FANCA: variants seen among roughly 807,000 people sequenced by gnomAD.
FANCA encodes the protein Fanconi anemia group A protein.
In FANCA, 236 loss-of-function variants were observed where a neutral mutation model predicts 194.3. The ratio of observed to expected loss-of-function variants is 1.21; its 90% CI spans 1.09 to 1.35. The LOEUF is 1.35. Ranked by LOEUF, FANCA falls within the 40% of genes most tolerant of loss-of-function variation. The pLI is 0.00. For synonymous variants in FANCA, 1,014 were observed against 715.8 expected (o/e 1.42, Z -6.65); for missense variants, 2,628 against 1,813.9 (o/e 1.45, Z -8.15).
chr16:89,802,910 A>G (rs1000188136), intron 8 of FANCA, among the ~76,000 whole-genome samples: 1 of 152,164 alleles, frequency 6.6e-6, no homozygotes, highest in Non-Finnish European at 1.5e-5. Flanking sequence ...GCAGTGGGGG[A>G]ACGAAGAGAG....
In FANCA at chr16:89,788,490, A is replaced by G. The variant is rs150602605; in HGVS notation, c.1359+2913T>C. 2.5e-4 allele frequency among the ~76,000 whole-genome samples: 38 copies of G among 152,256 alleles called. 1 individual carries two copies. The highest frequency in any genetic ancestry group is 9.1e-4 in the African/African-American group (38 of 41,538). On this transcript the variant is annotated intron_variant, in intron 14 of 42. Coordinates refer to ENST00000389301, the MANE Select transcript of FANCA (RefSeq NM_000135.4). ...ATGTTCAAACACTGAATATGCATATATACATTTATCAAAACTCATCTAACT... is the reference window on the plus strand; with the variant it reads ...ATGTTCAAACACTGAATATGCATATGTACATTTATCAAAACTCATCTAACT...
chr16:89,775,600 G>T, intron 21 of FANCA, 142 bp downstream of exon 21: 1 of 695,966 alleles, frequency 1.4e-6, no homozygotes. Flanking sequence ...AGCATGGTGG[G>T]CGGACCCTGT....
At chr16:89,747,786 G>A (rs908493776) in intron 33 of FANCA, among the ~76,000 whole-genome samples, 1 of 152,168 alleles carries the variant, frequency 6.6e-6, no homozygotes, top group Non-Finnish European at 1.5e-5. Flanking sequence ...TCACATTTGT[G>A]CATCTTCAAA....
Position 89,752,241 on chromosome 16 carries a change from A to G in FANCA, c.2982-19T>C, listed in dbSNP as rs2038621034. The stretch of plus-strand genomic sequence containing the variant: ...CCTTGAGCTGAAATGAAAATACAAT[A>G]AAATCCTCCTCAGTATCGCCTAATA... On this transcript the variant is annotated intron_variant, in intron 30 of 42. Coordinates refer to ENST00000389301, the MANE Select transcript of FANCA (RefSeq NM_000135.4). 2 of 1,603,352 alleles carry G rather than the reference A, an allele frequency of 1.2e-6. No homozygotes were observed. The highest frequency in any genetic ancestry group is 1.7e-6 in the Non-Finnish European group (2 of 1,170,528).
At chr16:89,753,955 G>T (rs970925017) in intron 30 of FANCA, among the ~76,000 whole-genome samples, 2 of 152,232 alleles carry the variant, frequency 1.3e-5, no homozygotes, top group African/African-American at 4.8e-5. Context: ...TTGGGAGGCT[G>T]AGGCAGCAGA....
chr16:89,758,842 G>GTCTGCA, intron 29 of FANCA, 137 bp from the exon 30 acceptor site: 1 of 1,320,850 alleles, frequency 7.6e-7, no homozygotes. Flanking sequence ...TCGGGACCTT[G>GTCTGCA]GAGTAGGGAT....
intron 14 of FANCA, among the ~76,000 whole-genome samples, chr16:89,785,467 G>T (rs964108020): frequency 1.3e-5 from 2 of 152,140 alleles, no homozygotes; most frequent in East Asian, 3.9e-4. Context: ...AGAGAGGTGG[G>T]TAAGGAACAC....
intron 41 of FANCA, 54 bp downstream of exon 41, chr16:89,739,079 G>C (rs1191474537): frequency 6.2e-7 from 1 of 1,613,892 alleles, no homozygotes; most frequent in Non-Finnish European, 8.5e-7. Flanking sequence ...TTGGCAGAAG[G>C]AGCCTCCGGC....
rs1461108636 is a variant in FANCA at position 89,773,303 on chromosome 16, C to G, written c.1982G>C (p.Arg661Thr). ...GQLTAALGELRASMTDPSQRD... is the reference protein window; with the variant it reads ...GQLTAALGELTASMTDPSQRD... ...CTGGCTGGGGTCTGTCATGGAGGCT[C>G]TCAGCTCTCCCAGTGCAGCTGTGAG... Residue 661 changes from arginine (R) to threonine (T), a missense_variant, in exon 22 of 43, where the codon AGA (arginine) becomes ACA (threonine). Coordinates refer to ENST00000389301, the MANE Select transcript of FANCA (RefSeq NM_000135.4). 6.4e-7 allele frequency: 1 copy of G among 1,551,464 alleles called. No homozygotes were observed.
intron 10 of FANCA, among the ~76,000 whole-genome samples, chr16:89,796,706 T>C (rs1417260753): frequency 6.6e-6 from 1 of 152,128 alleles, no homozygotes; most frequent in Non-Finnish European, 1.5e-5. Context: ...AGCGGCACTT[T>C]ATGCCGATTC....
At chr16:89,782,034 T>G (rs1257769393) in intron 17 of FANCA, among the ~76,000 whole-genome samples, 2 of 151,248 alleles carry the variant, frequency 1.3e-5, no homozygotes, top group Non-Finnish European at 2.9e-5. Context: ...TTTTCATTAG[T>G]GACCCACACA....
At position 89,739,541 on chromosome 16, in the gene FANCA, C is replaced by T. The variant is rs1479443055; in HGVS notation, c.3947G>A (p.Gly1316Glu). The part of the protein sequence containing the change: ...FQLTESDLRL[G>E]RLLLRVAPDQ... ...CGGGGCCACACGGAGGAGGAGCCGC[C>T]CCAGCCTGAGGTCTGCAACACCAAG... Residue 1316 changes from glycine to glutamate, a missense_variant, in exon 40 of 43, where the codon GGG becomes GAG. By Grantham distance (98) the Gly-to-Glu change is moderately conservative. Transcript: ENST00000389301. 4 of 1,551,164 alleles carry T rather than the reference C, an allele frequency of 2.6e-6. No homozygotes were observed. In the African/African-American group the frequency reaches 4.1e-5, roughly 16 times the overall value.
At chr16:89,790,513 G>A (rs754293921) in intron 14 of FANCA, among the ~76,000 whole-genome samples, 18 of 151,062 alleles carry the variant, frequency 1.2e-4, no homozygotes, top group Non-Finnish European at 2.2e-4. Context: ...GGCGGATCAT[G>A]AGGTCAGGAG....
rs772737454 is a variant in FANCA, at chr16:89,771,772, G to A, written c.2057C>T (p.Ala686Val). The change falls in exon 23 of 43, where the codon GCT becomes GTT. Residue 686 changes from alanine to valine, a missense_variant. Coordinates refer to ENST00000389301, the MANE Select transcript of FANCA (RefSeq NM_000135.4). ...GTCATCCTCATTGTGGCCCAGGACAGCCCTCAGTCTTTCAGAAATCACTGC... is the reference window on the plus strand; with the variant it reads ...GTCATCCTCATTGTGGCCCAGGACAACCCTCAGTCTTTCAGAAATCACTGC... Reference protein sequence around the residue: ...QVAVISERLRAVLGHNEDDSS... With the variant: ...QVAVISERLRVVLGHNEDDSS... The A allele has an allele frequency of 1.9e-6, 3 of 1,613,944 alleles. No homozygotes were observed. The highest frequency in any genetic ancestry group is 2.7e-5 in the African/African-American group (2 of 74,918).
intron 32 of FANCA, among the ~76,000 whole-genome samples, chr16:89,748,983 CCAAA>C (rs1006719846): frequency 6.6e-5 from 10 of 151,088 alleles, no homozygotes; most frequent in African/African-American, 1.2e-4. Context: ...AAATGTGTTA[CCAAA>C]CAAACAACTT....
At chr16:89,778,887 G>T in intron 19 of FANCA, 37 bp from the exon 20 acceptor site, 1 of 1,613,982 alleles carries the variant, frequency 6.2e-7, no homozygotes, top group Non-Finnish European at 8.5e-7. Flanking sequence ...AGACTGACAA[G>T]GAAAGTCCTT....
At chr16:89,812,040 G>C (rs898247771) in intron 3 of FANCA, among the ~76,000 whole-genome samples, 6 of 147,884 alleles carry the variant, frequency 4.1e-5, no homozygotes, top group Non-Finnish European at 7.5e-5. Context: ...AAAATTAATT[G>C]TTTAAAGAAA....
chr16:89,784,011 T>A (rs2039811437), intron 15 of FANCA, among the ~76,000 whole-genome samples: 1 of 151,990 alleles, frequency 6.6e-6, no homozygotes, highest in Non-Finnish European at 1.5e-5. Context: ...TCTGCCCTCC[T>A]CAGCCTCCAA....
At chr16:89,783,765 C>A (rs530766704) in intron 15 of FANCA, among the ~76,000 whole-genome samples, 1 of 151,906 alleles carries the variant, frequency 6.6e-6, no homozygotes, top group East Asian at 2.0e-4. Context: ...GGGGACACAG[C>A]GTGTTTTTTT....
Sources: gnomAD v4.1 joint callset for allele counts (sites outside exome capture counted in the v4.1 genomes callset) on GRCh38, gnomAD v4.1.1 for gene constraint, MANE v1.5 for transcripts, NCBI Gene and HGNC (gene_info 2026-07-23, HGNC 2026-07-21) for gene names.